The following RABGAP1L variants were observed in gnomAD, a reference collection of about 807,000 sequenced individuals.
RABGAP1L encodes the protein rab GTPase-activating protein 1-like.
Under a neutral mutation model 137.7 loss-of-function variants are expected in RABGAP1L, and 63 were observed. That is an observed-to-expected ratio of 0.46 (90% CI 0.37 to 0.56). RABGAP1L has a LOEUF of 0.56. Ranked by LOEUF, RABGAP1L falls within the 20% of genes least tolerant of loss-of-function variation. The probability of loss-of-function intolerance (pLI) is 0.00; values close to 1 mark genes in which losing one functional copy is unlikely to be tolerated. For synonymous variants in RABGAP1L, 431 were observed against 433.7 expected, an observed-to-expected ratio of 0.99 and a Z score of 0.08; for missense variants, 1,095 against 1,244.0, an observed-to-expected ratio of 0.88 and a Z score of 1.80.
intron 13 of RABGAP1L, among the ~76,000 whole-genome samples, chr1:174,598,124 A>T (rs1003172561): frequency 6.6e-6 from 1 of 152,020 alleles, no homozygotes; most frequent in South Asian, 2.1e-4. Flanking sequence ...AGGTCAGGAG[A>T]TCAAGGCTAT....
At chr1:174,623,258 G>C (rs1163778390) in intron 13 of RABGAP1L, among the ~76,000 whole-genome samples, 1 of 152,138 alleles carries the variant, frequency 6.6e-6, no homozygotes, top group Non-Finnish European at 1.5e-5. Context: ...AAATTTACTC[G>C]TGAGAATACC....
chr1:174,787,238 A>G (rs1687510001), intron 18 of RABGAP1L, among the ~76,000 whole-genome samples: 1 of 152,052 alleles, frequency 6.6e-6, no homozygotes. Flanking sequence ...CCCTGTCTCT[A>G]CTAAAAAAAC....
chr1:174,516,973 T>A (rs981467761), intron 13 of RABGAP1L, among the ~76,000 whole-genome samples: 6 of 124,784 alleles, frequency 4.8e-5, no homozygotes, highest in Admixed American at 8.1e-5. Context: ...ATAAATAAAA[T>A]AAATTATTGA....
At chr1:174,459,976 A>C (rs150773888) in intron 13 of RABGAP1L, among the ~76,000 whole-genome samples, 68 of 152,228 alleles carry the variant, frequency 4.5e-4, no homozygotes, top group African/African-American at 1.4e-3. Context: ...ATTTCAGAGA[A>C]TCATTAGGTC....
At chr1:174,968,248 CT>C (rs1669816065) in intron 20 of RABGAP1L, among the ~76,000 whole-genome samples, 1 of 152,154 alleles carries the variant, frequency 6.6e-6, no homozygotes, top group Non-Finnish European at 1.5e-5. Flanking sequence ...ACTGCTTTGT[CT>C]GAGTTTTTGC....
At chr1:174,850,883 T>A (rs1235679286) in intron 19 of RABGAP1L, among the ~76,000 whole-genome samples, 4 of 152,222 alleles carry the variant, frequency 2.6e-5, no homozygotes, top group Admixed American at 1.3e-4. Context: ...GTGCAATAGC[T>A]GCTTTGAAAG....
chr1:174,462,081 C>T (rs969507482), intron 13 of RABGAP1L, among the ~76,000 whole-genome samples: 9 of 152,112 alleles, frequency 5.9e-5, no homozygotes, highest in African/African-American at 2.4e-5. Context: ...TTGAACCATT[C>T]TTGTAAAATA....
chr1:174,345,574 C>G (rs1193220720), intron 11 of RABGAP1L, among the ~76,000 whole-genome samples: 1 of 152,038 alleles, frequency 6.6e-6, no homozygotes, highest in Non-Finnish European at 1.5e-5. Flanking sequence ...TACAGAAATG[C>G]TACTGATTTT....
intron 1 of RABGAP1L, among the ~76,000 whole-genome samples, chr1:174,161,350 C>G (rs923472245): frequency 6.6e-6 from 1 of 152,008 alleles, no homozygotes; most frequent in African/African-American, 2.4e-5. Flanking sequence ...TCAAGCGATT[C>G]TCCTGCCTCA....
chr1:174,709,021 C>T (rs1012968662), intron 17 of RABGAP1L, among the ~76,000 whole-genome samples: 6 of 152,216 alleles, frequency 3.9e-5, no homozygotes, highest in Non-Finnish European at 7.3e-5. Flanking sequence ...CTTGAGTACG[C>T]AGTTTTCCCC....
At chr1:174,818,010 T>A (rs757020942) in intron 19 of RABGAP1L, among the ~76,000 whole-genome samples, 4 of 152,182 alleles carry the variant, frequency 2.6e-5, no homozygotes, top group Non-Finnish European at 5.9e-5. Context: ...AGATAATGAG[T>A]TAACTTTTGA....
At chr1:174,231,074 G>A in intron 3 of RABGAP1L, 71 bp from the exon 4 acceptor site, 1 of 1,084,384 alleles carries the variant, frequency 9.2e-7, no homozygotes, top group Non-Finnish European at 1.3e-6. Context: ...TTCTTTTTGG[G>A]CATTGGCAAG....
chr1:174,318,580 T>TTTTCTTTCTTTCTTTC (rs58050295), intron 11 of RABGAP1L, among the ~76,000 whole-genome samples: 3,541 of 117,580 alleles, frequency 0.03, 82 homozygotes, highest in East Asian at 0.073. Context: ...TTGGTGATTG[T>TTTTCTTTCTTTCTTTC]TTTCTTTCTT....
intron 13 of RABGAP1L, among the ~76,000 whole-genome samples, chr1:174,453,136 A>T (rs576046925): frequency 2.6e-5 from 4 of 152,224 alleles, no homozygotes; most frequent in Non-Finnish European, 5.9e-5. Flanking sequence ...TGAGACAGGC[A>T]TGATTCTGAG....
intron 20 of RABGAP1L, among the ~76,000 whole-genome samples, chr1:174,962,717 T>A (rs1403742431): frequency 1.3e-5 from 2 of 150,502 alleles, no homozygotes; most frequent in African/African-American, 5.0e-5. Context: ...ATTTCTTACC[T>A]ATAAAAAAGA....
intron 13 of RABGAP1L, among the ~76,000 whole-genome samples, chr1:174,473,294 C>G (rs1197838002): frequency 8.5e-5 from 13 of 152,178 alleles, no homozygotes; most frequent in Non-Finnish European, 1.6e-4. Context: ...CTCTGTAAAC[C>G]TTGCTGGTGT....
intron 13 of RABGAP1L, among the ~76,000 whole-genome samples, chr1:174,603,913 G>A (rs1670593589): frequency 1.3e-5 from 2 of 151,834 alleles, no homozygotes; most frequent in South Asian, 4.2e-4. Flanking sequence ...CTAAGCTGGT[G>A]TGCTAATTGC....
At chr1:174,541,577 C>T (rs911028334) in intron 13 of RABGAP1L, among the ~76,000 whole-genome samples, 2 of 152,154 alleles carry the variant, frequency 1.3e-5, no homozygotes, top group Admixed American at 6.5e-5. Flanking sequence ...GAGATCGAGA[C>T]CATCCTGGCT....
At chr1:174,699,445 C>CTT in intron 15 of RABGAP1L, 80 bp from the exon 16 acceptor site, 3 of 1,369,008 alleles carry the variant, frequency 2.2e-6, no homozygotes, top group Admixed American at 4.0e-5. Context: ...ATGCAGAGGA[C>CTT]TAATAACATG....
Sources: allele counts gnomAD v4.1 joint callset (sites outside exome capture counted in the v4.1 genomes callset), GRCh38; gene constraint gnomAD v4.1.1; transcripts MANE v1.5; gene names NCBI Gene and HGNC (gene_info 2026-07-23, HGNC 2026-07-21).